The following SRPK2 variants were observed in gnomAD, a reference collection of about 807,000 sequenced individuals.
The protein encoded by SRPK2 is SFRS protein kinase 2.
In SRPK2, 21 loss-of-function variants were observed where a neutral mutation model predicts 90.8. That is an observed-to-expected ratio of 0.23 (90% CI 0.16 to 0.33). SRPK2 has a LOEUF of 0.33. Among genes scored for constraint, SRPK2 ranks in the 10% least tolerant of loss-of-function variants. SRPK2 has a pLI of 1.00. For synonymous variants in SRPK2, 288 were observed against 311.1 expected, an observed-to-expected ratio of 0.93 and a Z score of 0.78; for missense variants, 620 against 869.0, an observed-to-expected ratio of 0.71 and a Z score of 3.60.
intron 15 of SRPK2, among the ~76,000 whole-genome samples, chr7:105,119,869 T>G (rs906147692): frequency 6.6e-5 from 10 of 152,168 alleles, no homozygotes; most frequent in Non-Finnish European, 1.5e-4. Flanking sequence ...AATAGTAAAA[T>G]GGTGGTTAAA....
At chr7:105,298,519 G>C (rs764257661) in intron 2 of SRPK2, among the ~76,000 whole-genome samples, 4 of 152,102 alleles carry the variant, frequency 2.6e-5, no homozygotes, top group Non-Finnish European at 5.9e-5. Context: ...AGGTCATATA[G>C]TGTCTGACTC....
chr7:105,338,736 A>T (rs1383908315), intron 2 of SRPK2, among the ~76,000 whole-genome samples: 1 of 152,178 alleles, frequency 6.6e-6, no homozygotes, highest in Non-Finnish European at 1.5e-5. Context: ...GATGATTTTC[A>T]TTGTATATAT....
At chr7:105,298,465 T>C (rs945441684) in intron 2 of SRPK2, among the ~76,000 whole-genome samples, 1 of 152,194 alleles carries the variant, frequency 6.6e-6, no homozygotes, top group Non-Finnish European at 1.5e-5. Flanking sequence ...AGGTTTTTTT[T>C]CTGAACCTAA....
chr7:105,301,808 GA>G, intron 2 of SRPK2: 2 of 1,562,558 alleles, frequency 1.3e-6, no homozygotes, highest in South Asian at 2.2e-5. Context: ...GAACCGCTAT[GA>G]CCTGTACATT....
chr7:105,323,176 T>C (rs1813132701), intron 2 of SRPK2, among the ~76,000 whole-genome samples: 1 of 150,846 alleles, frequency 6.6e-6, no homozygotes, highest in South Asian at 2.1e-4. Flanking sequence ...GGCGACAGAG[T>C]GAGACTCCAT....
chr7:105,268,526 T>C lies in SRPK2; in HGVS notation c.72-64741A>G, dbSNP rs1214961769. Among the ~76,000 whole-genome samples the C allele has an allele frequency of 3.3e-5, 5 of 152,230 alleles. No homozygotes were observed. The East Asian group carries it at 5.8e-4, about 18-fold the overall frequency. ...TCTTTTCTGCTTTTTAGCTAAATTA[T>C]TTTTAAAGCCTTCAACAGCTGTCAC... is the stretch of plus-strand genomic sequence containing the variant. On this transcript the variant is annotated intron_variant, in intron 2 of 15. Transcript: ENST00000393651.
At chr7:105,216,489 C>CA (rs1229756194) in intron 2 of SRPK2, among the ~76,000 whole-genome samples, 2 of 151,764 alleles carry the variant, frequency 1.3e-5, no homozygotes, top group Non-Finnish European at 2.9e-5. Flanking sequence ...TCATCTCTAT[C>CA]AAAAAAATAC....
At chr7:105,375,352 T>TG (rs1282088775) in intron 2 of SRPK2, among the ~76,000 whole-genome samples, 1 of 152,084 alleles carries the variant, frequency 6.6e-6, no homozygotes, top group African/African-American at 2.4e-5. Context: ...CAAGTGGGTA[T>TG]GGGGGTATAA....
intron 3 of SRPK2, among the ~76,000 whole-genome samples, chr7:105,194,743 A>T (rs1794711461): frequency 6.6e-6 from 1 of 152,200 alleles, no homozygotes; most frequent in Non-Finnish European, 1.5e-5. Context: ...ACAATCCTGG[A>T]AGAGAAGCAC....
intron 2 of SRPK2, among the ~76,000 whole-genome samples, chr7:105,291,032 G>C (rs1261861488): frequency 8.8e-6 from 1 of 113,626 alleles, no homozygotes; most frequent in Non-Finnish European, 1.7e-5. Flanking sequence ...GCGACAGAGC[G>C]AGACTCCGTC....
At chr7:105,207,824 G>C (rs80160911) in intron 2 of SRPK2, among the ~76,000 whole-genome samples, 1 of 152,216 alleles carries the variant, frequency 6.6e-6, no homozygotes, top group South Asian at 2.1e-4. Context: ...TTTAACTTTT[G>C]TACTTCAAAG....
At chr7:105,178,588 G>C (rs1792310794) in intron 3 of SRPK2, among the ~76,000 whole-genome samples, 1 of 152,014 alleles carries the variant, frequency 6.6e-6, no homozygotes, top group South Asian at 2.1e-4. Context: ...CACACATGAG[G>C]CAGGAGGATC....
chr7:105,386,655 T>G (rs1821649739), intron 2 of SRPK2, among the ~76,000 whole-genome samples: 1 of 152,196 alleles, frequency 6.6e-6, no homozygotes, highest in Non-Finnish European at 1.5e-5. Context: ...AGGCGGAGGT[T>G]GCAGTGAGCC....
intron 2 of SRPK2, among the ~76,000 whole-genome samples, chr7:105,340,262 TATTTC>T (rs1223183373): frequency 1.0e-5 from 1 of 95,696 alleles, no homozygotes; most frequent in Non-Finnish European, 2.4e-5. Flanking sequence ...ATACAATGAC[TATTTC>T]AAGAAAAAGC....
intron 3 of SRPK2, among the ~76,000 whole-genome samples, chr7:105,185,595 C>CTAATGAAATTCTAATGAAAT (rs1793478124): frequency 1.3e-5 from 2 of 151,976 alleles, no homozygotes; most frequent in East Asian, 3.8e-4. Context: ...TTCTAAACTA[C>CTAATGAAATTCTAATGAAAT]TCTAATGAAA....
At chr7:105,317,674 A>AT (rs1163432159) in intron 2 of SRPK2, among the ~76,000 whole-genome samples, 7 of 152,230 alleles carry the variant, frequency 4.6e-5, no homozygotes, top group Non-Finnish European at 8.8e-5. Flanking sequence ...CACATATATG[A>AT]TAATCTGTCT....
At chr7:105,192,841 T>A (rs554932732) in intron 3 of SRPK2, among the ~76,000 whole-genome samples, 19 of 152,242 alleles carry the variant, frequency 1.2e-4, no homozygotes, top group Non-Finnish European at 2.2e-4. Context: ...CATCTGTATA[T>A]CTTCTTTGGA....
rs1055436377 is a variant in SRPK2, at chr7:105,196,447, C to G, written c.229+7181G>C. Among the ~76,000 whole-genome samples, 5 of 152,322 alleles carry G rather than the reference C, an allele frequency of 3.3e-5. No individual in the cohort carries two copies. The Middle Eastern group carries it at 0.014, about 414-fold the overall frequency. ...CATTTCTATGGCAGAGATTTTCCATCTGGGCACTGCTGACATTAGGAGCTG... is the reference window on the plus strand; with the variant it reads ...CATTTCTATGGCAGAGATTTTCCATGTGGGCACTGCTGACATTAGGAGCTG... On this transcript the variant is annotated intron_variant, in intron 3 of 15. Transcript: ENST00000393651.
chr7:105,354,676 A>G (rs1817586863), intron 2 of SRPK2, among the ~76,000 whole-genome samples: 1 of 152,186 alleles, frequency 6.6e-6, no homozygotes, highest in Admixed American at 6.5e-5. Context: ...CTGGCTGGGA[A>G]CAGACATTGC....
Sources: allele counts gnomAD v4.1 joint callset (sites outside exome capture counted in the v4.1 genomes callset), GRCh38; gene constraint gnomAD v4.1.1; transcripts MANE v1.5; gene names NCBI Gene and HGNC (gene_info 2026-07-23, HGNC 2026-07-21).